The following SLC2A13 variants were observed in gnomAD, a reference collection of about 807,000 sequenced individuals.
SLC2A13 encodes the protein proton myo-inositol cotransporter.
In SLC2A13, 32 loss-of-function variants were observed where a neutral mutation model predicts 64.4. The observed-to-expected ratio is 0.50, with a 90% CI of 0.37 to 0.67. The LOEUF (loss-of-function observed/expected upper bound fraction) is 0.67, where lower values mean the gene tolerates loss of function less well. Ranked by LOEUF, SLC2A13 falls within the 30% of genes least tolerant of loss-of-function variation. The probability of loss-of-function intolerance (pLI) is 0.00; values close to 1 mark genes in which losing one functional copy is unlikely to be tolerated. For synonymous variants in SLC2A13, 338 were observed against 327.1 expected (o/e 1.03, Z -0.36); for missense variants, 743 against 829.2 (o/e 0.90, Z 1.28).
chr12:40,040,120 G>T (rs149466552), intron 2 of SLC2A13, among the ~76,000 whole-genome samples: 1 of 152,156 alleles, frequency 6.6e-6, no homozygotes, highest in African/African-American at 2.4e-5. Flanking sequence ...CTTAAATGCC[G>T]AATATAGAGA....
intron 2 of SLC2A13, among the ~76,000 whole-genome samples, chr12:40,039,244 T>TTA (rs1948041137): frequency 1.3e-5 from 2 of 152,216 alleles, no homozygotes; most frequent in Admixed American, 6.5e-5. Flanking sequence ...TGACTATTAA[T>TTA]ATAGCCACAC....
chr12:39,896,557 T>C (rs1047656492), intron 4 of SLC2A13, among the ~76,000 whole-genome samples: 1 of 131,296 alleles, frequency 7.6e-6, no homozygotes, highest in East Asian at 2.7e-4. Context: ...TGTATACATG[T>C]ATACATATAT....
intron 3 of SLC2A13, among the ~76,000 whole-genome samples, chr12:39,970,662 T>C (rs1342141867): frequency 6.6e-6 from 1 of 152,186 alleles, no homozygotes; most frequent in Non-Finnish European, 1.5e-5. Flanking sequence ...AATCTTTTGG[T>C]TTTAAAAAAC....
chr12:39,784,381 A>T (rs1941109562), intron 7 of SLC2A13, among the ~76,000 whole-genome samples: 2 of 152,232 alleles, frequency 1.3e-5, no homozygotes, highest in South Asian at 2.1e-4. Context: ...ACAGAGATAT[A>T]GAACAATGGA....
At chr12:40,095,097 C>A (rs1051526735) in intron 1 of SLC2A13, among the ~76,000 whole-genome samples, 1 of 152,224 alleles carries the variant, frequency 6.6e-6, no homozygotes, top group African/African-American at 2.4e-5. Context: ...TGTATCATGA[C>A]CCCTTGCTAA....
At chr12:39,764,982 T>C in intron 7 of SLC2A13, 124 bp from the exon 8 acceptor site, 1 of 1,138,810 alleles carries the variant, frequency 8.8e-7, no homozygotes. Context: ...ATGTTTTTCT[T>C]AAAAAATAAG....
chr12:40,014,463 G>C (rs551928039), intron 3 of SLC2A13, among the ~76,000 whole-genome samples: 1 of 152,106 alleles, frequency 6.6e-6, no homozygotes, highest in African/African-American at 2.4e-5. Context: ...TTAAGTGTTG[G>C]ACTAGTCCAG....
intron 3 of SLC2A13, among the ~76,000 whole-genome samples, chr12:39,975,743 A>G (rs1324919440): frequency 6.6e-6 from 1 of 152,224 alleles, no homozygotes; most frequent in Non-Finnish European, 1.5e-5. Context: ...CACAAAACAG[A>G]TGTAGCTCTT....
At chr12:40,031,230 A>T (rs898356400) in intron 2 of SLC2A13, among the ~76,000 whole-genome samples, 14 of 151,592 alleles carry the variant, frequency 9.2e-5, no homozygotes, top group Non-Finnish European at 1.8e-4. Context: ...TTATTTATTT[A>T]TTTATTTTTT....
In SLC2A13 at chr12:40,025,035, C is replaced by T. The variant is rs1290757399; in HGVS notation, c.925+3266G>A. Among the ~76,000 whole-genome samples the T allele has an allele frequency of 2.6e-5, 4 of 152,352 alleles. No homozygotes were observed. In the South Asian group the frequency reaches 8.3e-4, roughly 32 times the overall value. On this transcript the variant is annotated intron_variant, in intron 3 of 9. Transcript: ENST00000280871. ...ATTCCTACAGGATGTATCAACAGTG[C>T]TGAGCACACGTGAAAACCAAATGTT...
chr12:39,947,627 T>C (rs1190522078), intron 4 of SLC2A13, among the ~76,000 whole-genome samples: 4 of 151,878 alleles, frequency 2.6e-5, no homozygotes, highest in South Asian at 2.1e-4. Context: ...ATATTATAAC[T>C]AGAGTTTAGA....
chr12:40,041,351 C>CTGG (rs1352976650), intron 2 of SLC2A13, among the ~76,000 whole-genome samples: 2 of 152,216 alleles, frequency 1.3e-5, no homozygotes, highest in African/African-American at 4.8e-5. Flanking sequence ...CCAAGCATGA[C>CTGG]TGGTTCTTTC....
intron 5 of SLC2A13, among the ~76,000 whole-genome samples, chr12:39,866,485 GA>G (rs1283158838): frequency 6.6e-6 from 1 of 152,044 alleles, no homozygotes; most frequent in African/African-American, 2.4e-5. Context: ...GTATTTGAAA[GA>G]TTTTTTTTTT....
intron 2 of SLC2A13, among the ~76,000 whole-genome samples, chr12:40,047,426 A>C (rs1227134070): frequency 3.3e-5 from 5 of 152,228 alleles, no homozygotes; most frequent in Non-Finnish European, 7.3e-5. Flanking sequence ...CAGTTACATG[A>C]GTACTATAAA....
chr12:39,767,019 G>A (rs770881913), intron 7 of SLC2A13, among the ~76,000 whole-genome samples: 3 of 152,034 alleles, frequency 2.0e-5, no homozygotes, highest in Non-Finnish European at 2.9e-5. Context: ...CATGAATCAC[G>A]AATGTTTTTA....
chr12:40,009,549 C>T (rs112809649), intron 3 of SLC2A13, among the ~76,000 whole-genome samples: 2 of 152,136 alleles, frequency 1.3e-5, no homozygotes, highest in Non-Finnish European at 2.9e-5. Flanking sequence ...CCCACTTCAG[C>T]CACCCGAGTA....
At chr12:40,076,582 C>T (rs1233699140) in intron 1 of SLC2A13, among the ~76,000 whole-genome samples, 1 of 152,044 alleles carries the variant, frequency 6.6e-6, no homozygotes, top group Non-Finnish European at 1.5e-5. Context: ...GATTCCATGT[C>T]TTTGCTGTGT....
At chr12:39,813,646 T>G (rs1023485523) in intron 7 of SLC2A13, among the ~76,000 whole-genome samples, 1 of 152,222 alleles carries the variant, frequency 6.6e-6, no homozygotes, top group African/African-American at 2.4e-5. Context: ...TCAGTTCATT[T>G]GAATCAAGAT....
At chr12:39,946,914 A>G (rs1946145249) in intron 4 of SLC2A13, among the ~76,000 whole-genome samples, 1 of 152,192 alleles carries the variant, frequency 6.6e-6, no homozygotes, top group Non-Finnish European at 1.5e-5. Context: ...GTTCAGCTAC[A>G]GAATTTCTTC....
Sources: allele counts gnomAD v4.1 joint callset (sites outside exome capture counted in the v4.1 genomes callset), GRCh38; gene constraint gnomAD v4.1.1; transcripts MANE v1.5; gene names NCBI Gene and HGNC (gene_info 2026-07-23, HGNC 2026-07-21).